Variants in ZNF521 observed in about 807,000 individuals in gnomAD.
ZNF521 encodes LYST-interacting protein 3.
Under a neutral mutation model 105.5 loss-of-function variants are expected in ZNF521, and 14 were observed. The observed-to-expected ratio is 0.13, with a 90% CI of 0.09 to 0.21. ZNF521 has a LOEUF of 0.21. Ranked by LOEUF, ZNF521 falls within the 10% of genes least tolerant of loss-of-function variation. The pLI is 1.00. For synonymous variants in ZNF521, 635 were observed against 606.0 expected, an observed-to-expected ratio of 1.05 and a Z score of -0.70; for missense variants, 1,233 against 1,629.7, an observed-to-expected ratio of 0.76 and a Z score of 4.19.
At chr18:25,277,182 C>CAAAA (rs34657167) in intron 3 of ZNF521, among the ~76,000 whole-genome samples, 1 of 82,502 alleles carries the variant, frequency 1.2e-5, no homozygotes, top group Non-Finnish European at 2.6e-5. Context: ...GACTCCGTCT[C>CAAAA]AAAAAAAAAA....
At position 25,310,534 on chromosome 18, in the gene ZNF521, G is replaced by T. The variant is rs960327644; in HGVS notation, c.220+11474C>A. Among the ~76,000 whole-genome samples the T allele has an allele frequency of 4.0e-5, 6 of 151,768 alleles. No individual in the cohort carries two copies. The East Asian group carries it at 1.2e-3, about 29-fold the overall frequency. ...AAGGCATATATATTATACATGCAAA[G>T]AAAACAAAAGAGAATAGGTATATAT... On this transcript the variant is annotated intron_variant, in intron 3 of 7. Transcript: ENST00000361524.
intron 3 of ZNF521, among the ~76,000 whole-genome samples, chr18:25,278,791 A>C (rs2144978075): frequency 6.6e-6 from 1 of 152,326 alleles, no homozygotes; most frequent in East Asian, 1.9e-4. Context: ...ATAAATGACT[A>C]TAACCATGGA....
At chr18:25,246,221 T>TAATA (rs910556022) in intron 3 of ZNF521, among the ~76,000 whole-genome samples, 22 of 151,764 alleles carry the variant, frequency 1.4e-4, no homozygotes, top group African/African-American at 2.7e-4. Flanking sequence ...GCTTAAAGTA[T>TAATA]AATAAATAAA....
rs1906211630 is a variant in ZNF521 at position 25,227,131 on chromosome 18, T to C, written c.787A>G (p.Lys263Glu). The change falls in exon 4 of 8, where the codon AAA becomes GAA. Residue 263 changes from lysine to glutamate, a missense_variant. Physicochemically the swap from Lys to Glu is moderately conservative, Grantham distance 56 (BLOSUM62 1). Around this residue, in one of 6 missense-constraint regions of ZNF521, gnomAD observed 380 missense variants for 478.0 expected, o/e 0.80. Transcript: ENST00000361524. This position sits in a 1 kb window ranked among gnomAD's most constrained non-coding sequence, Gnocchi z 5.7. ...TCGGGGTGGCACTCTGCAATGTGTT[T>C]TTGGAGGTCTTCCGGGAAGTCAAAG... ...EGFDFPEDLQ[K>E]HIAECHPECS... 6.2e-7 allele frequency: 1 copy of C among 1,613,984 alleles called. No individual in the cohort carries two copies. The highest frequency in any genetic ancestry group is 1.3e-5 in the African/African-American group (1 of 74,900).
At chr18:25,140,645 C>T (rs1258720808) in intron 5 of ZNF521, among the ~76,000 whole-genome samples, 2 of 152,142 alleles carry the variant, frequency 1.3e-5, no homozygotes, top group East Asian at 3.8e-4. Context: ...TTTTTCAACA[C>T]ATGGGGAGAC....
intron 5 of ZNF521, among the ~76,000 whole-genome samples, chr18:25,121,296 A>C (rs2034438844): frequency 1.5e-5 from 2 of 137,042 alleles, no homozygotes; most frequent in Non-Finnish European, 3.1e-5. Context: ...TTTTTGAGAC[A>C]AAGTCTCGCT....
intron 5 of ZNF521, among the ~76,000 whole-genome samples, chr18:25,125,940 A>G (rs1661022832): frequency 6.6e-6 from 1 of 152,028 alleles, no homozygotes; most frequent in Non-Finnish European, 1.5e-5. Flanking sequence ...TAGTTGTAGC[A>G]AGCTTTTTGG....
At chr18:25,170,984 CAA>C (rs1387889982) in intron 5 of ZNF521, among the ~76,000 whole-genome samples, 6 of 151,920 alleles carry the variant, frequency 3.9e-5, no homozygotes, top group Admixed American at 6.6e-5. Flanking sequence ...TTAGATGGGA[CAA>C]AAAACATAAG....
intron 4 of ZNF521, among the ~76,000 whole-genome samples, chr18:25,222,611 T>A (rs1312089888): frequency 1.3e-5 from 2 of 152,206 alleles, no homozygotes; most frequent in Non-Finnish European, 2.9e-5. Context: ...TTACACACTT[T>A]GTAAATTAAA....
At chr18:25,195,571 T>C (rs112766887) in intron 4 of ZNF521, among the ~76,000 whole-genome samples, 1 of 115,200 alleles carries the variant, frequency 8.7e-6, no homozygotes, top group Non-Finnish European at 2.1e-5. Flanking sequence ...AACATGCGTA[T>C]TAAAAAAAAA....
intron 4 of ZNF521, among the ~76,000 whole-genome samples, chr18:25,198,886 T>A (rs1480867128): frequency 6.6e-6 from 1 of 151,980 alleles, no homozygotes; most frequent in Non-Finnish European, 1.5e-5. Context: ...TATTCTGAGA[T>A]ACTCAAATTC....
chr18:25,212,673 T>G (rs952472077), intron 4 of ZNF521, among the ~76,000 whole-genome samples: 1 of 150,176 alleles, frequency 6.7e-6, no homozygotes, highest in Non-Finnish European at 1.5e-5. Flanking sequence ...TGAGTCTTCC[T>G]ATAACTTCCA....
At chr18:25,191,079 G>C (rs529156704) in intron 5 of ZNF521, among the ~76,000 whole-genome samples, 2 of 152,040 alleles carry the variant, frequency 1.3e-5, no homozygotes, top group Non-Finnish European at 2.9e-5. Context: ...TCTAGGACAC[G>C]TTTATTAGTG....
intron 7 of ZNF521, among the ~76,000 whole-genome samples, chr18:25,083,658 A>G (rs1295530700): frequency 6.6e-6 from 1 of 152,204 alleles, no homozygotes; most frequent in African/African-American, 2.4e-5. Flanking sequence ...TTCCTAGTAG[A>G]TTGTAAATAT....
At chr18:25,065,312 A>C (rs974306841) in intron 7 of ZNF521, among the ~76,000 whole-genome samples, 3 of 152,246 alleles carry the variant, frequency 2.0e-5, no homozygotes, top group African/African-American at 7.2e-5. Flanking sequence ...ACATGATGGA[A>C]TATAGGTGAC....
At chr18:25,349,614 G>T (rs372682366) in intron 2 of ZNF521, among the ~76,000 whole-genome samples, 3 of 152,140 alleles carry the variant, frequency 2.0e-5, no homozygotes, top group South Asian at 2.1e-4. Flanking sequence ...CGGGAGGCGT[G>T]GGGCGCCGGG....
intron 4 of ZNF521, among the ~76,000 whole-genome samples, chr18:25,213,429 T>C (rs2036228120): frequency 6.6e-6 from 1 of 151,862 alleles, no homozygotes; most frequent in Non-Finnish European, 1.5e-5. Context: ...TTTTAATCTG[T>C]TAATGTGGTC....
At chr18:25,095,590 G>A (rs1277266904) in intron 5 of ZNF521, among the ~76,000 whole-genome samples, 2 of 152,040 alleles carry the variant, frequency 1.3e-5, no homozygotes, top group Non-Finnish European at 2.9e-5. Flanking sequence ...AATTTGCCTT[G>A]TAGGGTACTT....
chr18:25,318,736 GAA>G (rs963544170), intron 3 of ZNF521, among the ~76,000 whole-genome samples: 24 of 152,136 alleles, frequency 1.6e-4, no homozygotes, highest in African/African-American at 5.1e-4. Context: ...ATTGGATAGA[GAA>G]AAATACACAT....
Sources: gnomAD v4.1 joint callset for allele counts (sites outside exome capture counted in the v4.1 genomes callset) on GRCh38, gnomAD v4.1.1 for gene constraint, gnomAD v4.1.1 regional missense constraint, Gnocchi (gnomAD v3.1) non-coding constraint, MANE v1.5 for transcripts, NCBI Gene and HGNC (gene_info 2026-07-23, HGNC 2026-07-21) for gene names.